Variants in NXNL1 observed in about 807,000 individuals in gnomAD.
NXNL1 encodes nucleoredoxin-like protein 1.
In NXNL1, 6 loss-of-function variants were observed where a neutral mutation model predicts 7.2. That is an observed-to-expected ratio of 0.83 (90% CI 0.46 to 1.64). NXNL1 has a LOEUF of 1.64. Ranked by LOEUF, NXNL1 falls within the 40% of genes most tolerant of loss-of-function variation. The probability of loss-of-function intolerance (pLI) is 0.01; values close to 1 mark genes in which losing one functional copy is unlikely to be tolerated. For missense variants in NXNL1, 308 were observed against 285.1 expected (o/e 1.08, Z -0.58); for synonymous variants, 133 against 127.2 (o/e 1.05, Z -0.31).
chr19:17,455,490 A>G lies in NXNL1; in HGVS notation c.*157T>C, dbSNP rs1409623418. 3 of 598,388 alleles carry G rather than the reference A, an allele frequency of 5.0e-6. No individual in the cohort carries two copies. The highest frequency in any genetic ancestry group is 8.8e-6 in the Non-Finnish European group (3 of 338,998). The allele number at this position is 598,388 out of a possible 1,614,324, so 37.1% of individuals were successfully genotyped here. On this transcript the variant is annotated 3_prime_UTR_variant, in exon 2 of 2. Coordinates refer to ENST00000301944, the MANE Select transcript of NXNL1 (RefSeq NM_138454.2). Reference sequence around the variant, plus strand: ...GCTAACTTTTAATTTTCGTAGAGTCAGGGTCTCACTCTCTTGCCCAGGTTG... The same window carrying G: ...GCTAACTTTTAATTTTCGTAGAGTCGGGGTCTCACTCTCTTGCCCAGGTTG...
Position 17,455,804 on chromosome 19 carries a change from C to T in NXNL1, c.482G>A (p.Arg161His), listed in dbSNP as rs1331612773. The T allele has an allele frequency of 3.8e-6, 6 of 1,567,632 alleles. No individual in the cohort carries two copies. In the East Asian group the frequency reaches 1.2e-4, roughly 31 times the overall value. The change falls in exon 2 of 2, where the codon CGC (arginine) becomes CAC (histidine). Residue 161 changes from arginine (R) to histidine (H), a missense_variant. Transcript: ENST00000301944. ...CAGGTCCTCTGGCAGCTGGAAGTTG[C>T]GGTCCAGCACCTCGGCCGCCTCCTG... ...NWQEAAEVLDRNFQLPEDLED... is the reference protein window; with the variant it reads ...NWQEAAEVLDHNFQLPEDLED...
At position 17,456,942 on chromosome 19, in the gene NXNL1, G is replaced by A. The variant is rs529261545; in HGVS notation, c.327-983C>T. On this transcript the variant is annotated intron_variant, in intron 1 of 1. Coordinates refer to ENST00000301944, the MANE Select transcript of NXNL1 (RefSeq NM_138454.2). ...CAGGCGCCTGTAGTCCCAGCTACTC[G>A]GAGAGGCTGAGGCAGGAGAATGGCG... is the stretch of plus-strand genomic sequence containing the variant. Among the ~76,000 whole-genome samples the A allele has an allele frequency of 1.1e-4, 17 of 151,992 alleles. No individual in the cohort carries two copies. In the South Asian group the frequency reaches 3.3e-3, roughly 30 times the overall value.
Position 17,455,684 on chromosome 19 carries a change from CCT to C in NXNL1, c.600_601del (p.Gly202TrpfsTer14). ...CCCGGCCCCGCCCTCCTCCCCACCC[CCT>C]CCCCCGGGGTCGCGCCCGCCTCGCG... On this transcript the variant is annotated frameshift_variant, in exon 2 of 2. Coordinates refer to ENST00000301944, the MANE Select transcript of NXNL1 (RefSeq NM_138454.2). LOFTEE classifies it high-confidence loss of function. 6.6e-7 allele frequency: 1 copy of C among 1,507,054 alleles called. No homozygotes were observed. Among genetic ancestry groups the C allele is most frequent in the South Asian group, 1.2e-5 (1 of 83,196 alleles). 93.4% of individuals were successfully genotyped at this position (1,507,054 alleles called of 1,614,324 possible). A position where few individuals can be genotyped will look rare whatever the true frequency, so the allele number is the denominator to read the frequency against.
rs1025559299 is a variant in NXNL1 at position 17,455,613 on chromosome 19, A to G, written c.*34T>C. The G allele has an allele frequency of 7.7e-7, 1 of 1,301,936 alleles. No homozygotes were observed. Among genetic ancestry groups the G allele is most frequent in the Non-Finnish European group, 1.1e-6 (1 of 945,870 alleles). The allele number at this position is 1,301,936 out of a possible 1,614,324, so 80.6% of individuals were successfully genotyped here. A position where few individuals can be genotyped will look rare whatever the true frequency, so the allele number is the denominator to read the frequency against. On this transcript the variant is annotated 3_prime_UTR_variant, in exon 2 of 2. Coordinates refer to ENST00000301944, the MANE Select transcript of NXNL1 (RefSeq NM_138454.2). The stretch of plus-strand genomic sequence containing the variant: ...GGTGGGGTGGGGGTGGAGGTTCATC[A>G]ACAAACCCCACTCCTCTCCTCCACC...
chr19:17,458,596 ATTTTTTTTTT>A (rs34265338), intron 1 of NXNL1, among the ~76,000 whole-genome samples: 21 of 87,862 alleles, frequency 2.4e-4, no homozygotes, highest in African/African-American at 9.9e-4. Context: ...GATCTTTTTA[ATTTTTTTTTT>A]TTTTTTTTTT....
intron 1 of NXNL1, 103 bp downstream of exon 1, chr19:17,460,441 G>T: frequency 8.0e-7 from 1 of 1,251,376 alleles, no homozygotes; most frequent in Non-Finnish European, 1.1e-6. Flanking sequence ...CCCAGTATAT[G>T]GACTGGCACA....
rs548790789 is a variant in NXNL1 at position 17,455,744 on chromosome 19, A to G, written c.542T>C (p.Leu181Pro). ...DQEPRSLTEC[L>P]RRHKYRVEKA... ...TTCCACGCGGTACTTGTGGCGGCGC[A>G]GGCACTCGGTGAGGCTCCGTGGCTC... Residue 181 changes from leucine to proline, a missense_variant, in exon 2 of 2, where the codon CTG (leucine) becomes CCG (proline). Physicochemically the swap from Leu to Pro is moderately conservative, Grantham distance 98. Transcript: ENST00000301944. The G allele has an allele frequency of 1.9e-4, 241 of 1,291,454 alleles. No individual in the cohort carries two copies. Among genetic ancestry groups the G allele is most frequent in the Non-Finnish European group, 2.3e-4 (233 of 995,370 alleles). 80.0% of individuals were successfully genotyped at this position (1,291,454 alleles called of 1,614,324 possible). A position where few individuals can be genotyped will look rare whatever the true frequency, so the allele number is the denominator to read the frequency against.
chr19:17,460,074 G>C (rs1265691335), intron 1 of NXNL1, among the ~76,000 whole-genome samples: 2 of 151,968 alleles, frequency 1.3e-5, no homozygotes, highest in African/African-American at 2.4e-5. Flanking sequence ...GCAGTGGCAC[G>C]ATCTTACCTC....
chr19:17,455,893 G>A lies in NXNL1; in HGVS notation c.393C>T (p.Asp131=), dbSNP rs753310662. The change falls in exon 2 of 2, where the codon GAC becomes GAT. Residue 131 remains aspartate (D), a synonymous_variant. Coordinates refer to ENST00000301944, the MANE Select transcript of NXNL1 (RefSeq NM_138454.2). The part of the protein sequence containing the change: ...PAVVVLKPDG[D]VLTRDGADEI... The stretch of plus-strand genomic sequence containing the variant: ...CGTCGGCGCCGTCGCGAGTGAGCAC[G>A]TCCCCGTCCGGCTTGAGCACCACGA... The A allele has an allele frequency of 2.5e-6, 4 of 1,593,656 alleles. No individual in the cohort carries two copies. The highest frequency in any genetic ancestry group is 1.3e-5 in the African/African-American group (1 of 74,934).
intron 1 of NXNL1, among the ~76,000 whole-genome samples, chr19:17,456,397 C>T (rs533509206): frequency 2.2e-4 from 34 of 152,004 alleles, no homozygotes; most frequent in Admixed American, 1.2e-3. Flanking sequence ...GCCGAGGTAC[C>T]TGGGACTTCC....
chr19:17,456,906 G>C (rs992195723), intron 1 of NXNL1, among the ~76,000 whole-genome samples: 8 of 152,004 alleles, frequency 5.3e-5, no homozygotes, highest in African/African-American at 1.9e-4. Context: ...AAAATTAGCC[G>C]GGTGTGGTGG....
intron 1 of NXNL1, among the ~76,000 whole-genome samples, chr19:17,458,690 C>T (rs1480315300): frequency 6.7e-6 from 1 of 149,744 alleles, no homozygotes; most frequent in Non-Finnish European, 1.5e-5. Context: ...CACCCTCCGC[C>T]TCCCGGGTTC....
chr19:17,455,663 G>GCCCCCCCCCCCCCCCCCCCCCCCCCCCCC lies in NXNL1; in HGVS notation c.622_623insGGGGGGGGGGGGGGGGGGGGGGGGGGGGG (p.Ala208GlyfsTer66). On this transcript the variant is annotated frameshift_variant, in exon 2 of 2. Coordinates refer to ENST00000301944, the MANE Select transcript of NXNL1 (RefSeq NM_138454.2). LOFTEE classifies it high-confidence loss of function. ...CCTAGCGGGTCAGAACAGCCCCCCG[G>GCCCCCCCCCCCCCCCCCCCCCCCCCCCCC]CCCCGCCCTCCTCCCCACCCCCTCC... 1 of 771,710 alleles carries GCCCCCCCCCCCCCCCCCCCCCCCCCCCCC rather than the reference G, an allele frequency of 1.3e-6. No individual in the cohort carries two copies. The highest frequency in any genetic ancestry group is 2.2e-6 in the Non-Finnish European group (1 of 464,464). The allele number at this position is 771,710 out of a possible 1,614,324, so 47.8% of individuals were successfully genotyped here.
chr19:17,456,511 T>C (rs2074993939), intron 1 of NXNL1, among the ~76,000 whole-genome samples: 1 of 151,330 alleles, frequency 6.6e-6, no homozygotes, highest in African/African-American at 2.4e-5. Context: ...GTCTCGAAAA[T>C]AGAATAAATA....
At position 17,455,685 on chromosome 19, in the gene NXNL1, C is replaced by CCCCCTTT; in HGVS notation, c.600_601insAAAGGGG (p.Gly201LysfsTer18). The CCCCCTTT allele has an allele frequency of 6.6e-7, 1 of 1,511,434 alleles. No individual in the cohort carries two copies. Among genetic ancestry groups the CCCCCTTT allele is most frequent in the Non-Finnish European group, 8.9e-7 (1 of 1,127,542 alleles). 93.6% of individuals were successfully genotyped at this position (1,511,434 alleles called of 1,614,324 possible). ...CCGGCCCCGCCCTCCTCCCCACCCC[C>CCCCCTTT]TCCCCCGGGGTCGCGCCCGCCTCGC... On this transcript the variant is annotated frameshift_variant, in exon 2 of 2. Coordinates refer to ENST00000301944, the MANE Select transcript of NXNL1 (RefSeq NM_138454.2). LOFTEE classifies it high-confidence loss of function.
At chr19:17,458,512 C>T (rs549078222) in intron 1 of NXNL1, among the ~76,000 whole-genome samples, 10 of 151,172 alleles carry the variant, frequency 6.6e-5, no homozygotes, top group Non-Finnish European at 1.0e-4. Context: ...CCAGCCTGAA[C>T]GTTTTTTTCA....
At chr19:17,458,330 T>C (rs1411274028) in intron 1 of NXNL1, among the ~76,000 whole-genome samples, 2 of 149,950 alleles carry the variant, frequency 1.3e-5, no homozygotes, top group Non-Finnish European at 1.5e-5. Flanking sequence ...CACCATTCTC[T>C]TGCCTCAGCC....
chr19:17,456,061 G>T, intron 1 of NXNL1, 102 bp from the exon 2 acceptor site: 1 of 1,533,432 alleles, frequency 6.5e-7, no homozygotes, highest in Non-Finnish European at 8.7e-7. Flanking sequence ...CCTTCTGTGT[G>T]CACTGCCTCT....
chr19:17,455,791 C>A lies in NXNL1; in HGVS notation c.495G>T (p.Leu165=), dbSNP rs772907681. 1.3e-6 allele frequency: 2 copies of A among 1,559,806 alleles called. No homozygotes were observed. The highest frequency in any genetic ancestry group is 4.8e-5 in the East Asian group (2 of 42,024). Residue 165 remains leucine (L), a synonymous_variant, in exon 2 of 2, where the codon CTG becomes CTT. Coordinates refer to ENST00000301944, the MANE Select transcript of NXNL1 (RefSeq NM_138454.2). ...AAEVLDRNFQ[L]PEDLEDQEPR... is the part of the protein sequence containing the mutation. Reference sequence around the variant, plus strand: ...GCTCCTGGTCCTCCAGGTCCTCTGGCAGCTGGAAGTTGCGGTCCAGCACCT... The same window carrying A: ...GCTCCTGGTCCTCCAGGTCCTCTGGAAGCTGGAAGTTGCGGTCCAGCACCT...
Sources: allele counts gnomAD v4.1 joint callset (sites outside exome capture counted in the v4.1 genomes callset), GRCh38; gene constraint gnomAD v4.1.1; transcripts MANE v1.5; gene names NCBI Gene and HGNC (gene_info 2026-07-23, HGNC 2026-07-21).